The following MIAT variants were observed in gnomAD, a reference collection of about 807,000 sequenced individuals.
MIAT encodes the protein MI related novel mRNA.
At chr22:26,661,060 A>G (rs1024359043) in intron 2 of MIAT, among the ~76,000 whole-genome samples, 7 of 152,070 alleles carry the variant, frequency 4.6e-5, no homozygotes, top group Non-Finnish European at 4.4e-5. Context: ...TCTTGTATGG[A>G]TACTTAGTGA....
chr22:26,673,588 A>G (rs566103595), downstream of MIAT: 3 of 398,746 alleles, frequency 7.5e-6, no homozygotes, highest in Non-Finnish European at 1.3e-5. Flanking sequence ...CAGGTCTAAC[A>G]TTCCTCGTTA....
exon 5 of MIAT, chr22:26,676,431 T>G (rs2146025166): frequency 5.0e-6 from 2 of 398,644 alleles, no homozygotes; most frequent in East Asian, 3.6e-5. Flanking sequence ...TGTAGCTGCT[T>G]CTGTGTAAAA....
exon 6 of MIAT, chr22:26,668,502 T>C (rs1424143263): frequency 7.5e-6 from 3 of 398,872 alleles, no homozygotes; most frequent in African/African-American, 2.1e-5. Flanking sequence ...TCCTGCCCCA[T>C]GTGAACTTGA....
intron 4 of MIAT, chr22:26,667,127 G>A: frequency 2.5e-6 from 1 of 397,844 alleles, no homozygotes; most frequent in Non-Finnish European, 4.4e-6. Context: ...GGGTGGGATG[G>A]AATCAAGACC....
At chr22:26,665,947 T>G (rs1040485809) in exon 4 of MIAT, 17 of 398,548 alleles carry the variant, frequency 4.3e-5, no homozygotes, top group Non-Finnish European at 7.1e-5. Flanking sequence ...CCTGATGATG[T>G]GAACCAGCCC....
chr22:26,667,429 C>T (rs200142657), intron 5 of MIAT: 9 of 131,930 alleles, frequency 6.8e-5, no homozygotes, highest in South Asian at 5.5e-4. Context: ...TGTGTGTATG[C>T]GCGCGTGTGT....
chr22:26,649,730 T>G (rs536226242), intron 2 of MIAT, among the ~76,000 whole-genome samples: 1 of 152,178 alleles, frequency 6.6e-6, no homozygotes, highest in East Asian at 1.9e-4. Flanking sequence ...CTGGCCAACA[T>G]GGTGAAACCC....
At chr22:26,670,771 T>C (rs73163297), downstream of MIAT, 3,072 of 398,556 alleles carry the variant, frequency 7.7e-3, 22 homozygotes, top group Middle Eastern at 0.025. Flanking sequence ...AGAATCTTTT[T>C]CTCATGGAAC....
intron 5 of MIAT, chr22:26,668,090 C>G (rs1186422952): frequency 5.0e-6 from 2 of 398,102 alleles, no homozygotes; most frequent in Middle Eastern, 1.3e-3. Context: ...CAGAATTAGG[C>G]TGGGGGGATG....
At chr22:26,671,504 C>T (rs992515375), downstream of MIAT, 7 of 398,574 alleles carry the variant, frequency 1.8e-5, no homozygotes, top group Non-Finnish European at 2.7e-5. Flanking sequence ...TAACCAGGCC[C>T]GAGCATGCCC....
At chr22:26,646,976 G>A (rs569589450) in intron 1 of MIAT, 6 of 398,500 alleles carry the variant, frequency 1.5e-5, no homozygotes, top group South Asian at 2.6e-4. Flanking sequence ...CCCTGAAAGG[G>A]GACTGCATTT....
At chr22:26,655,102 G>A (rs1011099127) in intron 2 of MIAT, among the ~76,000 whole-genome samples, 2 of 152,224 alleles carry the variant, frequency 1.3e-5, no homozygotes, top group African/African-American at 4.8e-5. Context: ...ACCACACACT[G>A]CCTTGCCTTT....
chr22:26,658,764 C>T (rs1930551085), intron 2 of MIAT, among the ~76,000 whole-genome samples: 1 of 152,310 alleles, frequency 6.6e-6, no homozygotes, highest in East Asian at 1.9e-4. Context: ...GAAAACGCCC[C>T]CACCTGCTGC....
intron 3 of MIAT, among the ~76,000 whole-genome samples, chr22:26,665,056 G>C (rs146032088): frequency 0.033 from 4,955 of 152,044 alleles, 261 homozygotes; most frequent in African/African-American, 0.11. Context: ...GGCCAACATG[G>C]TGAAACCCCG....
chr22:26,646,966 C>T (rs1930245131), intron 1 of MIAT: 2 of 398,550 alleles, frequency 5.0e-6, no homozygotes, highest in East Asian at 7.1e-5. Context: ...CCAGGTAAGT[C>T]CCTGAAAGGG....
chr22:26,654,556 T>G (rs376044390), intron 2 of MIAT, among the ~76,000 whole-genome samples: 26 of 152,208 alleles, frequency 1.7e-4, no homozygotes, highest in East Asian at 5.8e-4. Context: ...ACTGGTGAAT[T>G]AGGGGGAAGT....
chr22:26,659,303 C>G (rs769424524), intron 2 of MIAT, among the ~76,000 whole-genome samples: 1 of 152,154 alleles, frequency 6.6e-6, no homozygotes, highest in Non-Finnish European at 1.5e-5. Context: ...TGATCCCACT[C>G]TAAGTTTGGT....
chr22:26,675,543 T>C (rs1931230311), exon 5 of MIAT: 2 of 398,640 alleles, frequency 5.0e-6, no homozygotes. Context: ...GGAAGACCCT[T>C]TGGTCCATCT....
chr22:26,676,120 T>A (rs1931253987), exon 5 of MIAT: 1 of 398,288 alleles, frequency 2.5e-6, no homozygotes, highest in African/African-American at 2.1e-5. Context: ...TAATCCTTTC[T>A]TAATAGGTTG....
Sources: allele counts gnomAD v4.1 joint callset (sites outside exome capture counted in the v4.1 genomes callset), GRCh38; gene constraint gnomAD v4.1.1; transcripts MANE v1.5; gene names NCBI Gene and HGNC (gene_info 2026-07-23, HGNC 2026-07-21).